Variants in EGFLAM observed in about 807,000 individuals in gnomAD.
EGFLAM encodes the protein EGF like, fibronectin type III and laminin G domains, also known as pikachurin.
In EGFLAM, 79 loss-of-function variants were observed where a neutral mutation model predicts 113.1. The observed-to-expected ratio is 0.70, with a 90% CI of 0.58 to 0.84. The LOEUF (loss-of-function observed/expected upper bound fraction) is 0.84, where lower values mean the gene tolerates loss of function less well. Among genes scored for constraint, EGFLAM ranks in the 40% least tolerant of loss-of-function variants. EGFLAM has a pLI of 0.00. For synonymous variants in EGFLAM, 504 were observed against 487.6 expected (o/e 1.03, Z -0.44); for missense variants, 1,265 against 1,291.6 (o/e 0.98, Z 0.32).
chr5:38,272,837 G>T (rs941129399), intron 1 of EGFLAM, among the ~76,000 whole-genome samples: 1 of 152,004 alleles, frequency 6.6e-6, no homozygotes, highest in Non-Finnish European at 1.5e-5. Flanking sequence ...AGTTAAAAAT[G>T]AACTAAATTG....
chr5:38,357,135 A>C lies in EGFLAM; in HGVS notation c.545+4804A>C, dbSNP rs371247115. ...AGCTAGGTGTGATATTGCACACTGT[A>C]GTTCCAGCTGCTCAGGTGGCTGAGG... On this transcript the variant is annotated intron_variant, in intron 5 of 21. Coordinates refer to ENST00000322350, the MANE Select transcript of EGFLAM (RefSeq NM_152403.4). Among the ~76,000 whole-genome samples the C allele has an allele frequency of 7.9e-5, 12 of 152,344 alleles. No homozygotes were observed. In the South Asian group the frequency reaches 1.0e-3, roughly 13 times the overall value.
intron 1 of EGFLAM, among the ~76,000 whole-genome samples, chr5:38,268,203 C>G (rs1229050113): frequency 6.6e-6 from 1 of 152,128 alleles, no homozygotes; most frequent in Non-Finnish European, 1.5e-5. Context: ...AAATCCAAAT[C>G]TGGGTGGCTT....
At chr5:38,454,727 G>C (rs1743030181) in intron 19 of EGFLAM, among the ~76,000 whole-genome samples, 1 of 152,196 alleles carries the variant, frequency 6.6e-6, no homozygotes. Context: ...TTTGATCCAG[G>C]CTCAAAGCAG....
intron 17 of EGFLAM, 49 bp from the exon 18 acceptor site, chr5:38,448,252 G>T (rs1742786631): frequency 1.9e-6 from 3 of 1,600,796 alleles, no homozygotes; most frequent in South Asian, 1.1e-5. Context: ...GAGTGCAGGG[G>T]TCAAGAGAAC....
At chr5:38,369,042 T>G (rs1416135756) in intron 5 of EGFLAM, among the ~76,000 whole-genome samples, 1 of 152,198 alleles carries the variant, frequency 6.6e-6, no homozygotes, top group Non-Finnish European at 1.5e-5. Flanking sequence ...CCATGCACAA[T>G]TATTTCCAAC....
At chr5:38,259,045 T>C (rs1476567572) in intron 1 of EGFLAM, among the ~76,000 whole-genome samples, 194 bp downstream of exon 1, 1 of 152,184 alleles carries the variant, frequency 6.6e-6, no homozygotes, top group Non-Finnish European at 1.5e-5. Context: ...CTAGGGATAT[T>C]TATTTATTAA....
intron 11 of EGFLAM, among the ~76,000 whole-genome samples, chr5:38,417,620 G>A (rs761634807): frequency 6.6e-6 from 1 of 151,564 alleles, no homozygotes; most frequent in Non-Finnish European, 1.5e-5. Context: ...GTATAAAGGT[G>A]ACTAGGACAG....
At chr5:38,309,996 A>G (rs1217593905) in intron 1 of EGFLAM, among the ~76,000 whole-genome samples, 1 of 152,202 alleles carries the variant, frequency 6.6e-6, no homozygotes, top group Non-Finnish European at 1.5e-5. Flanking sequence ...GGGGAATTCC[A>G]AGTTGCTAGC....
chr5:38,400,705 T>C (rs925889759), intron 6 of EGFLAM, among the ~76,000 whole-genome samples: 1 of 152,202 alleles, frequency 6.6e-6, no homozygotes, highest in African/African-American at 2.4e-5. Flanking sequence ...GAAATGACTA[T>C]TATCCTGGAT....
chr5:38,258,900 G>A, intron 1 of EGFLAM, 49 bp downstream of exon 1: 1 of 1,560,378 alleles, frequency 6.4e-7, no homozygotes, highest in Non-Finnish European at 8.7e-7. Context: ...CGCCCCTGCT[G>A]GGCTCCGGGG....
intron 12 of EGFLAM, among the ~76,000 whole-genome samples, chr5:38,422,003 A>AGGT (rs903075709): frequency 5.9e-5 from 9 of 152,180 alleles, no homozygotes; most frequent in East Asian, 3.9e-4. Flanking sequence ...GGTGTGATCC[A>AGGT]GGTGGTGGTG....
At chr5:38,391,345 C>A (rs955652808) in intron 6 of EGFLAM, among the ~76,000 whole-genome samples, 2 of 151,528 alleles carry the variant, frequency 1.3e-5, no homozygotes, top group Non-Finnish European at 2.9e-5. Context: ...TTTATCCCTA[C>A]TTTAATACCA....
At chr5:38,451,733 G>C (rs756988331) in intron 19 of EGFLAM, 6 of 369,062 alleles carry the variant, frequency 1.6e-5, no homozygotes, top group Non-Finnish European at 2.4e-5. Context: ...GCTCACGCCT[G>C]TAATCCTAGC....
chr5:38,264,090 A>G (rs1272610607), intron 1 of EGFLAM, among the ~76,000 whole-genome samples: 1 of 152,122 alleles, frequency 6.6e-6, no homozygotes, highest in African/African-American at 2.4e-5. Context: ...GGGGTTAAAG[A>G]CCGGTGCTCC....
At chr5:38,435,067 A>C in intron 15 of EGFLAM, 70 bp from the exon 16 acceptor site, 2 of 1,347,110 alleles carry the variant, frequency 1.5e-6, no homozygotes, top group Non-Finnish European at 2.1e-6. Flanking sequence ...CAGGGAACTG[A>C]AGACACATTT....
intron 6 of EGFLAM, chr5:38,404,003 C>T (rs1741199178): frequency 1.3e-6 from 2 of 1,591,778 alleles, no homozygotes; most frequent in Non-Finnish European, 1.7e-6. Context: ...CTTTGTTATC[C>T]CACCTCCACC....
chr5:38,407,940 G>C, intron 9 of EGFLAM, 35 bp downstream of exon 9: 1 of 1,507,788 alleles, frequency 6.6e-7, no homozygotes, highest in Non-Finnish European at 9.2e-7. Flanking sequence ...AGTGCTTTTT[G>C]GACACTTTAA....
Position 38,373,391 on chromosome 5 carries a change from TC to T in EGFLAM, c.712+2930del, listed in dbSNP as rs1250962300. Among the ~76,000 whole-genome samples, 4 of 152,292 alleles carry T rather than the reference TC, an allele frequency of 2.6e-5. No individual in the cohort carries two copies. In the East Asian group the frequency reaches 5.8e-4, roughly 22 times the overall value. Reference sequence around the variant, plus strand: ...ACCATTGTACCTAAGAAGTAATTTTTCAGCCCCCACCTCCCTCCCAACCTCC... The same window carrying T: ...ACCATTGTACCTAAGAAGTAATTTTTAGCCCCCACCTCCCTCCCAACCTCC... On this transcript the variant is annotated intron_variant, in intron 6 of 21. Transcript: ENST00000322350.
chr5:38,303,529 G>A (rs1435674469), intron 1 of EGFLAM, among the ~76,000 whole-genome samples: 1 of 152,158 alleles, frequency 6.6e-6, no homozygotes, highest in East Asian at 1.9e-4. Flanking sequence ...AGGCAAGTCT[G>A]GGGCCAGAGC....
Sources: gnomAD v4.1 joint callset for allele counts (sites outside exome capture counted in the v4.1 genomes callset) on GRCh38, gnomAD v4.1.1 for gene constraint, MANE v1.5 for transcripts, NCBI Gene and HGNC (gene_info 2026-07-23, HGNC 2026-07-21) for gene names.